Variants in PUDP observed in about 807,000 individuals in gnomAD.
PUDP encodes the protein pseudouridine-5'-phosphatase.
Under a neutral mutation model 9.4 loss-of-function variants are expected in PUDP, and 8 were observed. The ratio of observed to expected loss-of-function variants is 0.85; its 90% CI spans 0.50 to 1.53. The LOEUF is 1.53. Ranked by LOEUF, PUDP falls within the 40% of genes most tolerant of loss-of-function variation. The pLI, the probability that PUDP is intolerant of heterozygous loss-of-function variation, is 0.00. For synonymous variants in PUDP, 99 were observed against 80.7 expected, an observed-to-expected ratio of 1.23 and a Z score of -1.22; for missense variants, 188 against 189.7, an observed-to-expected ratio of 0.99 and a Z score of 0.05.
intron 1 of PUDP, among the ~76,000 whole-genome samples, chrX:6,980,486 A>G (rs1929017024): frequency 9.0e-6 from 1 of 111,011 alleles, no homozygotes; most frequent in Admixed American, 9.6e-5. Flanking sequence ...CTGAGATTAC[A>G]GGCATGAGCC....
intron 3 of PUDP, among the ~76,000 whole-genome samples, chrX:6,931,216 G>T (rs1928186026): frequency 8.9e-6 from 1 of 112,157 alleles, no homozygotes; most frequent in Admixed American, 9.5e-5. Context: ...GGGTGTCATT[G>T]TTTATTGATT....
chrX:6,824,584 C>G (rs1177710150), intron 3 of PUDP, among the ~76,000 whole-genome samples: 1 of 111,672 alleles, frequency 9.0e-6, no homozygotes, highest in Non-Finnish European at 1.9e-5. Context: ...ACCTGGTTGA[C>G]CAACGTAACC....
At chrX:7,073,693 T>C (rs1409930974) in intron 3 of PUDP, among the ~76,000 whole-genome samples, 2 of 112,884 alleles carry the variant, frequency 1.8e-5, no homozygotes, top group Non-Finnish European at 3.7e-5. Flanking sequence ...AAACTTCCTT[T>C]AGTATTACAA....
intron 2 of PUDP, among the ~76,000 whole-genome samples, chrX:7,092,028 C>T (rs1275860360): frequency 1.1e-4 from 12 of 112,566 alleles, no homozygotes; most frequent in African/African-American, 3.9e-4. Context: ...CTGAAGAAGG[C>T]ATTTAACTCA....
chrX:6,914,166 CAAA>C (rs11313132), intron 3 of PUDP, among the ~76,000 whole-genome samples: 15,349 of 54,787 alleles, frequency 0.28, 1,292 homozygotes, highest in Admixed American at 0.41. Flanking sequence ...GACCCCGTCT[CAAA>C]AAAAAAAAAA....
chrX:7,073,770 C>T (rs113801668), intron 3 of PUDP, among the ~76,000 whole-genome samples: 9 of 113,039 alleles, frequency 8.0e-5, no homozygotes, highest in African/African-American at 2.9e-4. Flanking sequence ...TGAGAGGAAA[C>T]ATTTCATTTC....
At chrX:6,751,114 C>T (rs1425452122) in intron 3 of PUDP, among the ~76,000 whole-genome samples, 2 of 106,609 alleles carry the variant, frequency 1.9e-5, no homozygotes, top group African/African-American at 6.9e-5. Context: ...TGCACTCCAG[C>T]CTGGGTGACA....
intron 3 of PUDP, among the ~76,000 whole-genome samples, chrX:6,931,321 T>A (rs1009441856): frequency 1.8e-5 from 2 of 111,905 alleles, no homozygotes; most frequent in African/African-American, 6.5e-5. Context: ...AGACTTGGAA[T>A]GTCATCAATT....
chrX:6,862,894 C>T (rs1927023974), intron 3 of PUDP, among the ~76,000 whole-genome samples: 1 of 111,530 alleles, frequency 9.0e-6, no homozygotes, highest in African/African-American at 3.3e-5. Context: ...AAACATAACA[C>T]GAGCCACAAA....
At chrX:7,059,630 A>G (rs1930344432) in intron 3 of PUDP, among the ~76,000 whole-genome samples, 2 of 112,062 alleles carry the variant, frequency 1.8e-5, no homozygotes, top group South Asian at 7.4e-4. Flanking sequence ...TCTAACCTGT[A>G]GAGCAGCAAG....
intron 2 of PUDP, among the ~76,000 whole-genome samples, chrX:7,077,706 C>A (rs760737999): frequency 1.8e-5 from 2 of 112,700 alleles, no homozygotes; most frequent in Non-Finnish European, 3.8e-5. Flanking sequence ...GAAGAGCGCA[C>A]TGGGAGGCAC....
chrX:7,077,672 G>A (rs958313748), intron 2 of PUDP, among the ~76,000 whole-genome samples: 2 of 112,286 alleles, frequency 1.8e-5, no homozygotes, highest in African/African-American at 6.5e-5. Flanking sequence ...GCGGTTGAGC[G>A]ATACGTTTCC....
chrX:7,090,268 TTAA>T (rs1419297855), intron 2 of PUDP, among the ~76,000 whole-genome samples: 1 of 111,245 alleles, frequency 9.0e-6, no homozygotes, highest in Non-Finnish European at 1.9e-5. Flanking sequence ...TAAGGGTTTA[TTAA>T]TGTTTATTAA....
intron 3 of PUDP, among the ~76,000 whole-genome samples, chrX:6,729,613 T>A (rs1468673970): frequency 8.9e-6 from 1 of 112,211 alleles, no homozygotes; most frequent in Non-Finnish European, 1.9e-5. Flanking sequence ...TCTCTTCAAA[T>A]AGCCTGATCA....
At chrX:6,807,603 G>A (rs1308568146) in intron 3 of PUDP, among the ~76,000 whole-genome samples, 7 of 111,869 alleles carry the variant, frequency 6.3e-5, no homozygotes, top group Non-Finnish European at 9.4e-5. Flanking sequence ...GAGAAGGCAC[G>A]GTGTGCAAGG....
At chrX:6,971,676 G>A (rs1007376189) in intron 3 of PUDP, among the ~76,000 whole-genome samples, 1 of 109,487 alleles carries the variant, frequency 9.1e-6, no homozygotes, top group Non-Finnish European at 1.9e-5. Context: ...TGCCCGCCTC[G>A]GCCTCCCAAA....
chrX:6,783,661 A>G (rs747087992), intron 3 of PUDP, among the ~76,000 whole-genome samples: 1 of 112,185 alleles, frequency 8.9e-6, no homozygotes, highest in Non-Finnish European at 1.9e-5. Context: ...GGAATATTGG[A>G]GATAACTGTG....
chrX:7,022,555 T>A (rs1485687626), intron 1 of PUDP, among the ~76,000 whole-genome samples: 1 of 111,429 alleles, frequency 9.0e-6, no homozygotes, highest in Non-Finnish European at 1.9e-5. Flanking sequence ...CATATTAGGA[T>A]GTGAGAATCA....
chrX:7,055,236 GTTTA>G (rs1470958962), intron 3 of PUDP, among the ~76,000 whole-genome samples: 1 of 110,515 alleles, frequency 9.0e-6, no homozygotes, highest in African/African-American at 3.3e-5. Context: ...GTCCCAAAAG[GTTTA>G]TTTATTTTCT....
Sources: gnomAD v4.1 joint callset for allele counts (sites outside exome capture counted in the v4.1 genomes callset) on GRCh38, gnomAD v4.1.1 for gene constraint, MANE v1.5 for transcripts, NCBI Gene and HGNC (gene_info 2026-07-23, HGNC 2026-07-21) for gene names.